Variants in PHLPP1 observed in about 807,000 individuals in gnomAD.
PHLPP1 encodes PH domain leucine-rich repeat-containing protein phosphatase 1.
A neutral mutation model predicts 117.2 loss-of-function variants in PHLPP1; 42 were observed. The ratio of observed to expected loss-of-function variants is 0.36; its 90% CI spans 0.28 to 0.46. The LOEUF (loss-of-function observed/expected upper bound fraction) is 0.46, where lower values mean the gene tolerates loss of function less well. Among genes scored for constraint, PHLPP1 ranks in the 20% least tolerant of loss-of-function variants. The probability of loss-of-function intolerance (pLI) is 1.00; values close to 1 mark genes in which losing one functional copy is unlikely to be tolerated. For missense variants in PHLPP1, 2,084 were observed against 2,241.9 expected, an observed-to-expected ratio of 0.93 and a Z score of 1.42; for synonymous variants, 1,042 against 970.7, an observed-to-expected ratio of 1.07 and a Z score of -1.37.
intron 4 of PHLPP1, among the ~76,000 whole-genome samples, chr18:62,891,201 T>A (rs9952738): frequency 0.035 from 5,271 of 152,324 alleles, 104 homozygotes; most frequent in Middle Eastern, 0.075. Context: ...CAATCTTATT[T>A]CAGGACTTCT....
intron 1 of PHLPP1, among the ~76,000 whole-genome samples, chr18:62,736,961 A>G (rs1185385233): frequency 6.6e-6 from 1 of 152,244 alleles, no homozygotes; most frequent in Admixed American, 6.5e-5. Context: ...TATAAAAAGA[A>G]TATGTATTAC....
chr18:62,764,310 C>T (rs1369911702), intron 1 of PHLPP1, among the ~76,000 whole-genome samples: 1 of 152,124 alleles, frequency 6.6e-6, no homozygotes, highest in Non-Finnish European at 1.5e-5. Flanking sequence ...TTTCATTTGT[C>T]CTCAGCCCCA....
intron 4 of PHLPP1, among the ~76,000 whole-genome samples, chr18:62,888,884 C>G (rs1916347942): frequency 4.6e-5 from 7 of 152,154 alleles, no homozygotes; most frequent in Admixed American, 4.6e-4. Context: ...ATCCATTCAC[C>G]CTTTTGATCT....
chr18:62,850,901 G>A (rs954242965), intron 3 of PHLPP1, among the ~76,000 whole-genome samples: 15 of 152,212 alleles, frequency 9.9e-5, no homozygotes, highest in African/African-American at 3.6e-4. Flanking sequence ...TTTGTCAAGG[G>A]AGGGGACTGT....
In PHLPP1 at chr18:62,805,699, A is replaced by T. The variant is rs144636632; in HGVS notation, c.1577-24336A>T. Among the ~76,000 whole-genome samples the T allele has an allele frequency of 1.1e-3, 166 of 152,086 alleles. 2 individuals carry two copies. Among genetic ancestry groups the T allele is most frequent in the African/African-American group, 3.8e-3 (158 of 41,486 alleles). On this transcript the variant is annotated intron_variant, in intron 1 of 16. Transcript: ENST00000262719. The stretch of plus-strand genomic sequence containing the variant: ...TTAATGGTGTCTTTCGATGGCATAC[A>T]CTTTTAGTTTTAATGTATTCTGTGT...
At position 62,903,104 on chromosome 18, in the gene PHLPP1, A is replaced by G; in HGVS notation, c.2585A>G (p.Asn862Ser). The change falls in exon 7 of 17, where the codon AAT becomes AGT. Residue 862 changes from asparagine to serine, a missense_variant. Asn to Ser is a conservative substitution (Grantham distance 46). This residue lies in a region of PHLPP1 where 1,365 missense variants were observed against 1,605.9 expected (regional missense o/e 0.85). Coordinates refer to ENST00000262719, the MANE Select transcript of PHLPP1 (RefSeq NM_194449.4). ...ATTGAAGTTTTACACTGTGAAAGGA[A>G]TCAACTGGTCACATTAGACATCTGT... is the stretch of plus-strand genomic sequence containing the variant. ...NNIEVLHCER[N>S]QLVTLDICGY... 6.2e-7 allele frequency: 1 copy of G among 1,613,774 alleles called. No homozygotes were observed. The highest frequency in any genetic ancestry group is 8.5e-7 in the Non-Finnish European group (1 of 1,179,806).
At chr18:62,815,258 C>T (rs187410825) in intron 1 of PHLPP1, among the ~76,000 whole-genome samples, 13 of 151,368 alleles carry the variant, frequency 8.6e-5, no homozygotes, top group Admixed American at 7.9e-4. Context: ...CCCAGGTTCA[C>T]GCCATTCTCC....
At chr18:62,746,108 A>G (rs1388799743) in intron 1 of PHLPP1, among the ~76,000 whole-genome samples, 2 of 151,770 alleles carry the variant, frequency 1.3e-5, no homozygotes, top group African/African-American at 4.8e-5. Context: ...CAATGGCGTG[A>G]TCTTGGCTCA....
intron 1 of PHLPP1, among the ~76,000 whole-genome samples, chr18:62,740,516 AAAT>A (rs1190727313): frequency 3.3e-5 from 5 of 152,252 alleles, no homozygotes; most frequent in African/African-American, 1.2e-4. Context: ...GACAATTAAT[AAAT>A]AATAAACACT....
chr18:62,957,645 A>G (rs1280240091), intron 12 of PHLPP1, among the ~76,000 whole-genome samples: 1 of 149,916 alleles, frequency 6.7e-6, no homozygotes, highest in Non-Finnish European at 1.5e-5. Context: ...TTTTTGAGAC[A>G]GGGTCTTGCT....
chr18:62,936,326 T>C (rs975408059), intron 10 of PHLPP1, among the ~76,000 whole-genome samples: 5 of 152,182 alleles, frequency 3.3e-5, no homozygotes, highest in African/African-American at 1.2e-4. Flanking sequence ...GTAAATAAAT[T>C]GGGAGAGCTC....
chr18:62,898,464 C>T (rs1216609074), intron 6 of PHLPP1, among the ~76,000 whole-genome samples: 2 of 152,126 alleles, frequency 1.3e-5, no homozygotes, highest in African/African-American at 2.4e-5. Flanking sequence ...GAGCCATTTG[C>T]TTCCATTGTG....
intron 1 of PHLPP1, among the ~76,000 whole-genome samples, chr18:62,764,129 C>G (rs1369665288): frequency 7.1e-6 from 1 of 140,182 alleles, no homozygotes; most frequent in Non-Finnish European, 1.5e-5. Flanking sequence ...AGCCATTGCT[C>G]TCTAGCCTGA....
At chr18:62,934,374 T>C (rs549372856) in intron 10 of PHLPP1, among the ~76,000 whole-genome samples, 1 of 152,284 alleles carries the variant, frequency 6.6e-6, no homozygotes, top group South Asian at 2.1e-4. Flanking sequence ...ATATATACCA[T>C]GGAATACTAC....
rs150173719 is a variant in PHLPP1, at chr18:62,763,319, C to T, written c.1576+46060C>T. Reference sequence around the variant, plus strand: ...ATAGTGTGAAACCTGAAACTGTGTTCTCTGACCTCCGGTGGAACTCGGGAG... The same window carrying T: ...ATAGTGTGAAACCTGAAACTGTGTTTTCTGACCTCCGGTGGAACTCGGGAG... On this transcript the variant is annotated intron_variant, in intron 1 of 16. Transcript: ENST00000262719. Among the ~76,000 whole-genome samples the T allele has an allele frequency of 3.2e-3, 493 of 152,276 alleles. 2 individuals carry two copies. Among genetic ancestry groups the T allele is most frequent in the African/African-American group, 0.011 (465 of 41,554 alleles).
intron 1 of PHLPP1, among the ~76,000 whole-genome samples, chr18:62,735,358 A>G (rs1335269352): frequency 2.0e-5 from 3 of 152,124 alleles, no homozygotes; most frequent in Non-Finnish European, 4.4e-5. Context: ...TGCTGGGATT[A>G]TAGACATAAG....
chr18:62,798,091 A>G (rs1948263593), intron 1 of PHLPP1, among the ~76,000 whole-genome samples: 2 of 152,234 alleles, frequency 1.3e-5, no homozygotes, highest in African/African-American at 2.4e-5. Flanking sequence ...AAACTTGAGC[A>G]TGCATCAGAA....
At position 62,830,024 on chromosome 18, in the gene PHLPP1, G is replaced by T. The variant is rs1914713207; in HGVS notation, c.1577-11G>T. The T allele has an allele frequency of 6.3e-7, 1 of 1,593,786 alleles. No homozygotes were observed. On this transcript the variant is annotated splice_polypyrimidine_tract_variant and intron_variant, in intron 1 of 16. Transcript: ENST00000262719. ...TTAAAAGAATAACATGTTTGCTTCT[G>T]TTTATTTCAGGAAAACCTCACAGCA...
intron 4 of PHLPP1, among the ~76,000 whole-genome samples, chr18:62,876,511 T>C (rs990562488): frequency 1.3e-5 from 2 of 152,216 alleles, no homozygotes; most frequent in African/African-American, 2.4e-5. Context: ...TAAAAATTTC[T>C]AAAATTGCCA....
Sources: allele counts gnomAD v4.1 joint callset (sites outside exome capture counted in the v4.1 genomes callset), GRCh38; gene constraint gnomAD v4.1.1; regional missense constraint gnomAD v4.1.1; transcripts MANE v1.5; gene names NCBI Gene and HGNC (gene_info 2026-07-23, HGNC 2026-07-21).